The following PPP1CB variants were observed in gnomAD, a reference collection of about 807,000 sequenced individuals.
PPP1CB encodes protein phosphatase 1 catalytic subunit beta, also known as serine/threonine-protein phosphatase PP1-beta catalytic subunit.
Under a neutral mutation model 43.7 loss-of-function variants are expected in PPP1CB, and 2 were observed. The observed-to-expected ratio is 0.05, with a 90% CI of 0.02 to 0.14. The LOEUF (loss-of-function observed/expected upper bound fraction) is 0.14. Ranked by LOEUF, PPP1CB falls within the 10% of genes least tolerant of loss-of-function variation. The pLI is 1.00. For synonymous variants in PPP1CB, 136 were observed against 135.6 expected (o/e 1.00, Z -0.02); for missense variants, 84 against 398.0 (o/e 0.21, Z 6.71).
chr2:28,784,561 A>T (rs2148053753), intron 5 of PPP1CB, among the ~76,000 whole-genome samples: 1 of 152,102 alleles, frequency 6.6e-6, no homozygotes, highest in East Asian at 1.9e-4. Context: ...ACCTGGCTTA[A>T]ATTTTTAGAG....
intron 1 of PPP1CB, among the ~76,000 whole-genome samples, chr2:28,766,296 A>G (rs1666776070): frequency 6.6e-6 from 1 of 152,224 alleles, no homozygotes; most frequent in Non-Finnish European, 1.5e-5. Flanking sequence ...TTTTATTACT[A>G]ACAAATAGTC....
At chr2:28,763,417 CT>C (rs922443199) in intron 1 of PPP1CB, among the ~76,000 whole-genome samples, 6 of 151,260 alleles carry the variant, frequency 4.0e-5, no homozygotes, top group African/African-American at 1.5e-4. Flanking sequence ...CCCATCCTTG[CT>C]TTTGTATTAT....
chr2:28,787,375 C>A (rs1014792018), intron 5 of PPP1CB, among the ~76,000 whole-genome samples: 2 of 152,152 alleles, frequency 1.3e-5, no homozygotes, highest in East Asian at 3.9e-4. Flanking sequence ...AGGAGAATGG[C>A]GTGAACCCGG....
intron 6 of PPP1CB, among the ~76,000 whole-genome samples, chr2:28,793,614 A>T (rs1037033772): frequency 1.3e-5 from 2 of 152,202 alleles, no homozygotes; most frequent in Non-Finnish European, 2.9e-5. Context: ...AAATGGCATG[A>T]TTTTTAAGCT....
At chr2:28,770,239 G>C (rs536847947) in intron 1 of PPP1CB, among the ~76,000 whole-genome samples, 1 of 152,088 alleles carries the variant, frequency 6.6e-6, no homozygotes, top group Non-Finnish European at 1.5e-5. Flanking sequence ...CTCCAGCCTG[G>C]GTGACAGAGT....
At chr2:28,762,815 A>G (rs1666687165) in intron 1 of PPP1CB, among the ~76,000 whole-genome samples, 1 of 152,240 alleles carries the variant, frequency 6.6e-6, no homozygotes, top group Non-Finnish European at 1.5e-5. Context: ...TATCTAATAC[A>G]GTATCCAGAA....
chr2:28,780,262 A>G (rs1280271647), intron 3 of PPP1CB, among the ~76,000 whole-genome samples: 2 of 151,480 alleles, frequency 1.3e-5, no homozygotes, highest in Non-Finnish European at 2.9e-5. Context: ...CTAATTTTGT[A>G]TATTTAGTAG....
intron 5 of PPP1CB, among the ~76,000 whole-genome samples, 196 bp from the exon 6 acceptor site, chr2:28,788,462 A>C (rs1238689849): frequency 8.1e-6 from 1 of 123,746 alleles, no homozygotes; most frequent in Non-Finnish European, 2.0e-5. Context: ...AGGCCATGGA[A>C]GATTATATTT....
chr2:28,787,996 A>T (rs1244582286), intron 5 of PPP1CB, among the ~76,000 whole-genome samples: 1 of 152,208 alleles, frequency 6.6e-6, no homozygotes, highest in East Asian at 1.9e-4. Context: ...TTTAAAAAAA[A>T]ATCCTCAGGG....
intron 1 of PPP1CB, among the ~76,000 whole-genome samples, chr2:28,759,581 A>G (rs954527708): frequency 3.3e-5 from 5 of 150,376 alleles, no homozygotes; most frequent in Non-Finnish European, 1.5e-5. Context: ...ATAATACTTG[A>G]TAATGGTAAT....
At position 28,751,847 on chromosome 2, in the gene PPP1CB, CGAG is replaced by C. The variant is rs747377007; in HGVS notation, c.-267_-265del. 52 of 532,770 alleles carry C rather than the reference CGAG, an allele frequency of 9.8e-5. No individual in the cohort carries two copies. The highest frequency in any genetic ancestry group is 2.3e-4 in the Admixed American group (8 of 34,340). 33.0% of individuals were successfully genotyped at this position (532,770 alleles called of 1,614,324 possible). A position where few individuals can be genotyped will look rare whatever the true frequency, so the allele number is the denominator to read the frequency against. ...TGAGCTTTGCGGAGCTGGGCGGTGC[CGAG>C]GAGGAGGAGGTGGCGGCCTGGGTCT... On this transcript the variant is annotated 5_prime_UTR_variant, in exon 1 of 8. Transcript: ENST00000395366.
chr2:28,766,533 T>C (rs913471194), intron 1 of PPP1CB, among the ~76,000 whole-genome samples: 1 of 152,236 alleles, frequency 6.6e-6, no homozygotes, highest in Admixed American at 6.5e-5. Context: ...TGTACTAAAA[T>C]AGTTTTTCTC....
chr2:28,791,906 A>G (rs1245377979), intron 6 of PPP1CB, among the ~76,000 whole-genome samples: 1 of 152,208 alleles, frequency 6.6e-6, no homozygotes, highest in Non-Finnish European at 1.5e-5. Context: ...TGTCTCTAAA[A>G]TTCTAGAAAT....
chr2:28,764,224 G>A (rs1426491020), intron 1 of PPP1CB, among the ~76,000 whole-genome samples: 1 of 151,902 alleles, frequency 6.6e-6, no homozygotes, highest in Admixed American at 6.6e-5. Context: ...ACTTTGGGAG[G>A]CCGAGGCAGG....
chr2:28,779,619 A>G (rs1667109793), intron 3 of PPP1CB, among the ~76,000 whole-genome samples: 1 of 152,130 alleles, frequency 6.6e-6, no homozygotes, highest in Non-Finnish European at 1.5e-5. Context: ...AGGTTCAAAT[A>G]TGGTCTTTTG....
At chr2:28,756,236 A>G (rs576416694) in intron 1 of PPP1CB, among the ~76,000 whole-genome samples, 1 of 152,392 alleles carries the variant, frequency 6.6e-6, no homozygotes, top group South Asian at 2.1e-4. Context: ...CTTGACTATT[A>G]CAATATGAGT....
At chr2:28,760,580 G>A (rs1186835222) in intron 1 of PPP1CB, among the ~76,000 whole-genome samples, 1 of 152,174 alleles carries the variant, frequency 6.6e-6, no homozygotes, top group South Asian at 2.1e-4. Context: ...CATCTCTCAG[G>A]AAGTTTCCCT....
chr2:28,761,021 C>T (rs1012852057), intron 1 of PPP1CB, among the ~76,000 whole-genome samples: 5 of 152,184 alleles, frequency 3.3e-5, no homozygotes, highest in Non-Finnish European at 7.3e-5. Flanking sequence ...CTGCCTCAGC[C>T]TCCTGAGTAG....
At chr2:28,764,459 CAAA>C (rs563880320) in intron 1 of PPP1CB, among the ~76,000 whole-genome samples, 10 of 90,174 alleles carry the variant, frequency 1.1e-4, no homozygotes, top group Non-Finnish European at 1.2e-4. Context: ...GACTCCATCT[CAAA>C]AAAAAAAAAA....
Sources: gnomAD v4.1 joint callset for allele counts (sites outside exome capture counted in the v4.1 genomes callset) on GRCh38, gnomAD v4.1.1 for gene constraint, MANE v1.5 for transcripts, NCBI Gene and HGNC (gene_info 2026-07-23, HGNC 2026-07-21) for gene names.